RGS6: variants seen among roughly 807,000 people sequenced by gnomAD.
RGS6 encodes regulator of G protein signaling 6.
In RGS6, 30 loss-of-function variants were observed where a neutral mutation model predicts 78.5. The observed-to-expected ratio is 0.38, with a 90% CI of 0.29 to 0.52. The LOEUF (loss-of-function observed/expected upper bound fraction) is 0.52, where lower values mean the gene tolerates loss of function less well. RGS6 is among the 20% of genes least tolerant of loss of function. The probability of loss-of-function intolerance (pLI) is 0.85; values close to 1 mark genes in which losing one functional copy is unlikely to be tolerated. For missense variants in RGS6, 495 were observed against 609.7 expected (o/e 0.81, Z 1.98); for synonymous variants, 206 against 206.0 (o/e 1.00, Z 0.00).
intron 6 of RGS6, among the ~76,000 whole-genome samples, chr14:72,463,039 T>A (rs2095820740): frequency 6.6e-6 from 1 of 152,240 alleles, no homozygotes; most frequent in South Asian, 2.1e-4. Flanking sequence ...TTAAGAAATT[T>A]AATTGCACAT....
chr14:71,883,406 C>G, the RGS6 span, among the ~76,000 whole-genome samples: 5 of 152,188 alleles, frequency 3.3e-5, no homozygotes, highest in Non-Finnish European at 7.4e-5. Flanking sequence ...TCCATGAAAG[C>G]TAGCTAACCC....
intron 1 of RGS6, among the ~76,000 whole-genome samples, chr14:71,950,548 C>T (rs1328682478): frequency 2.0e-5 from 3 of 152,106 alleles, no homozygotes; most frequent in Admixed American, 2.0e-4. Flanking sequence ...AAAGCAATTG[C>T]AACAAAAGCA....
intron 6 of RGS6, among the ~76,000 whole-genome samples, chr14:72,460,030 G>T (rs2095739343): frequency 1.3e-5 from 2 of 152,214 alleles, no homozygotes; most frequent in Admixed American, 1.3e-4. Context: ...TAGGGCTTCA[G>T]GGAGGGCTGG....
chr14:72,254,923 C>T (rs1257409911), intron 2 of RGS6, among the ~76,000 whole-genome samples: 1 of 152,150 alleles, frequency 6.6e-6, no homozygotes, highest in East Asian at 1.9e-4. Context: ...TGATAGGTTA[C>T]AGAGCAGTGT....
At chr14:72,518,131 C>T (rs1419692088) in intron 14 of RGS6, among the ~76,000 whole-genome samples, 1 of 152,214 alleles carries the variant, frequency 6.6e-6, no homozygotes, top group Non-Finnish European at 1.5e-5. Flanking sequence ...ACGAGAAGCA[C>T]ATTGATCTTT....
intron 2 of RGS6, among the ~76,000 whole-genome samples, chr14:72,239,113 G>C (rs2052023945): frequency 6.6e-6 from 1 of 152,178 alleles, no homozygotes; most frequent in African/African-American, 2.4e-5. Context: ...TCACTTGGAA[G>C]AGACCCAAGT....
chr14:71,886,116 A>T, the RGS6 span, among the ~76,000 whole-genome samples: 1 of 152,162 alleles, frequency 6.6e-6, no homozygotes, highest in Non-Finnish European at 1.5e-5. Context: ...TCATTAGAAA[A>T]CAATTAGTTC....
chr14:72,297,778 T>C (rs2065168654), intron 2 of RGS6, among the ~76,000 whole-genome samples: 1 of 151,966 alleles, frequency 6.6e-6, no homozygotes, highest in South Asian at 2.1e-4. Flanking sequence ...TATTTAGATC[T>C]TCTTTAATTT....
chr14:72,298,431 C>CTTT (rs1201498031), intron 2 of RGS6, among the ~76,000 whole-genome samples: 16 of 83,746 alleles, frequency 1.9e-4, no homozygotes, highest in African/African-American at 2.8e-4. Flanking sequence ...CATTAATGTT[C>CTTT]TTTTTTTTTT....
chr14:72,036,006 C>A (rs937381453), intron 2 of RGS6, among the ~76,000 whole-genome samples: 12 of 151,980 alleles, frequency 7.9e-5, no homozygotes, highest in African/African-American at 2.9e-4. Context: ...TCATGTCATC[C>A]TTTTGTAGTC....
intron 2 of RGS6, among the ~76,000 whole-genome samples, chr14:72,128,471 C>G (rs1000894265): frequency 6.6e-6 from 1 of 151,934 alleles, no homozygotes; most frequent in Non-Finnish European, 1.5e-5. Context: ...ACTATATTCA[C>G]TTTTATTAAG....
At chr14:72,261,900 C>G (rs1196650075) in intron 2 of RGS6, among the ~76,000 whole-genome samples, 2 of 152,170 alleles carry the variant, frequency 1.3e-5, no homozygotes, top group African/African-American at 4.8e-5. Context: ...GAGATAATTT[C>G]TGAGTCATGA....
chr14:72,559,279 G>T (rs999581994), intron 17 of RGS6, among the ~76,000 whole-genome samples: 54 of 152,318 alleles, frequency 3.5e-4, no homozygotes, highest in African/African-American at 1.2e-3. Context: ...CTGAACACAG[G>T]TAGCCTCTAC....
At chr14:72,283,976 ACT>A (rs1262758288) in intron 2 of RGS6, among the ~76,000 whole-genome samples, 2 of 151,964 alleles carry the variant, frequency 1.3e-5, no homozygotes, top group Non-Finnish European at 2.9e-5. Context: ...AGTAAAAGTG[ACT>A]CTTGCTATGT....
intron 5 of RGS6, among the ~76,000 whole-genome samples, chr14:72,459,160 G>C (rs1348485894): frequency 6.6e-6 from 1 of 151,978 alleles, no homozygotes; most frequent in East Asian, 1.9e-4. Context: ...TTCTATTTGC[G>C]ACCTAATCAC....
intron 1 of RGS6, among the ~76,000 whole-genome samples, chr14:71,950,415 G>A (rs1441486681): frequency 2.6e-5 from 4 of 152,012 alleles, no homozygotes; most frequent in Non-Finnish European, 5.9e-5. Flanking sequence ...CTTATCCAAA[G>A]ATTAACTCAA....
At chr14:72,063,707 G>A (rs1439172759) in intron 2 of RGS6, among the ~76,000 whole-genome samples, 2 of 152,192 alleles carry the variant, frequency 1.3e-5, no homozygotes, top group African/African-American at 4.8e-5. Context: ...CCTAGTGTAA[G>A]TGGTGGGTTG....
At chr14:72,594,742 G>A in the RGS6 span, 3 of 152,132 alleles carry the variant, frequency 2.0e-5, no homozygotes, top group Non-Finnish European at 2.9e-5. Context: ...TGCCTCTTCA[G>A]CTGACCTCTC....
the RGS6 span, chr14:72,619,820 G>T: frequency 7.8e-7 from 1 of 1,286,310 alleles, no homozygotes. Flanking sequence ...TTAGCATAAG[G>T]CCTGTACCAT....
Sources: allele counts gnomAD v4.1 joint callset (sites outside exome capture counted in the v4.1 genomes callset), GRCh38; gene constraint gnomAD v4.1.1; transcripts MANE v1.5; gene names NCBI Gene and HGNC (gene_info 2026-07-23, HGNC 2026-07-21).